The following ISOC1 variants were observed in gnomAD, a reference collection of about 807,000 sequenced individuals.
ISOC1 encodes the protein isochorismatase domain-containing protein 1.
ISOC1 carries 33 observed loss-of-function variants against 30.0 expected under a neutral mutation model. That is an observed-to-expected ratio of 1.10 (90% CI 0.83 to 1.47). The LOEUF (loss-of-function observed/expected upper bound fraction) is 1.47. Among genes scored for constraint, ISOC1 ranks in the 40% most tolerant of loss-of-function variants. The pLI is 0.00. For synonymous variants in ISOC1, 178 were observed against 159.8 expected, an observed-to-expected ratio of 1.11 and a Z score of -0.86; for missense variants, 372 against 388.0, an observed-to-expected ratio of 0.96 and a Z score of 0.35.
rs3734162 is a variant in ISOC1, at chr5:129,107,044, C to T, written c.732C>T (p.Asp244=). The change falls in exon 4 of 5, where the codon GAC becomes GAT. Residue 244 remains aspartate, a synonymous_variant. Coordinates refer to ENST00000173527, the MANE Select transcript of ISOC1 (RefSeq NM_016048.2). ...ADATSSRSMM[D]RMFALERLAR... ...CCACCTCATCAAGAAGCATGATGGA[C>T]AGGATGTTTGCCCTCGAGGTAATTG... 3,102 of 1,613,162 alleles carry T rather than the reference C, an allele frequency of 1.9e-3. 88 individuals are homozygous for T. In the East Asian group the frequency reaches 0.056, roughly 29 times the overall value.
At chr5:129,104,541 GTAC>G (rs1288755566) in intron 1 of ISOC1, among the ~76,000 whole-genome samples, 2 of 152,016 alleles carry the variant, frequency 1.3e-5, no homozygotes, top group African/African-American at 2.4e-5. Context: ...ATATTGTAAT[GTAC>G]TACTACTTTT....
At chr5:129,112,323 A>G (rs2059124) in intron 4 of ISOC1, among the ~76,000 whole-genome samples, 10,096 of 152,214 alleles carry the variant, frequency 0.066, 652 homozygotes, top group African/African-American at 0.17. Context: ...CAGTTAAACT[A>G]CAGAGGGGGA....
intron 1 of ISOC1, among the ~76,000 whole-genome samples, chr5:129,096,160 T>C (rs1008389877): frequency 6.6e-6 from 1 of 152,240 alleles, no homozygotes; most frequent in African/African-American, 2.4e-5. Flanking sequence ...ATCAGGGTAA[T>C]TGGAATATCC....
Position 129,094,837 on chromosome 5 carries a change from G to C in ISOC1, c.71G>C (p.Gly24Ala), listed in dbSNP as rs376439816. ...SGAGGAGAPS[G>A]TVPVLFCFSV... is the part of the protein sequence containing the mutation. ...GCCGGGGGCGCGGGGGCGCCGTCGG[G>C]CACAGTCCCGGTGCTCTTCTGTTTC... The change falls in exon 1 of 5, where the codon GGC becomes GCC. Residue 24 changes from glycine to alanine, a missense_variant. Gly to Ala is a moderately conservative substitution (Grantham distance 60, BLOSUM62 0). Coordinates refer to ENST00000173527, the MANE Select transcript of ISOC1 (RefSeq NM_016048.2). The C allele has an allele frequency of 4.1e-5, 64 of 1,556,934 alleles. No homozygotes were observed. In the African/African-American group the frequency reaches 7.1e-4, roughly 17 times the overall value.
chr5:129,106,005 A>G (rs1753632399), intron 3 of ISOC1, among the ~76,000 whole-genome samples: 1 of 152,224 alleles, frequency 6.6e-6, no homozygotes, highest in Non-Finnish European at 1.5e-5. Flanking sequence ...TTTGAAGGTA[A>G]CTTTTATAGT....
intron 1 of ISOC1, among the ~76,000 whole-genome samples, chr5:129,102,375 G>A (rs1227124650): frequency 6.6e-6 from 1 of 152,120 alleles, no homozygotes; most frequent in African/African-American, 2.4e-5. Flanking sequence ...CCAGGGCAGT[G>A]AGGATTTTAG....
intron 1 of ISOC1, among the ~76,000 whole-genome samples, chr5:129,102,656 T>G (rs2150170901): frequency 6.6e-6 from 1 of 152,388 alleles, no homozygotes; most frequent in East Asian, 1.9e-4. Flanking sequence ...GATGTTTTCC[T>G]AATTTATAAG....
At chr5:129,099,330 A>G (rs1753544681) in intron 1 of ISOC1, among the ~76,000 whole-genome samples, 1 of 152,168 alleles carries the variant, frequency 6.6e-6, no homozygotes, top group African/African-American at 2.4e-5. Context: ...GAAATCCTTC[A>G]GTCCTCACCC....
In ISOC1 at chr5:129,113,271, T is replaced by G; in HGVS notation, c.*270T>G. The G allele has an allele frequency of 3.3e-6, 1 of 306,402 alleles. No homozygotes were observed. The highest frequency in any genetic ancestry group is 6.1e-6 in the Non-Finnish European group (1 of 165,234). 19.0% of individuals were successfully genotyped at this position (306,402 alleles called of 1,614,324 possible). A position where few individuals can be genotyped will look rare whatever the true frequency, so the allele number is the denominator to read the frequency against. On this transcript the variant is annotated 3_prime_UTR_variant, in exon 5 of 5. Coordinates refer to ENST00000173527, the MANE Select transcript of ISOC1 (RefSeq NM_016048.2). Reference sequence around the variant, plus strand: ...AAAAAATTACAATGAAGATGCCTGTTTTGTCTCTACTGTGTACTCTGATCG... The same window carrying G: ...AAAAAATTACAATGAAGATGCCTGTGTTGTCTCTACTGTGTACTCTGATCG...
chr5:129,100,918 A>T (rs1017659862), intron 1 of ISOC1, among the ~76,000 whole-genome samples: 3 of 151,676 alleles, frequency 2.0e-5, no homozygotes, highest in Non-Finnish European at 4.4e-5. Flanking sequence ...CATTAAAAAA[A>T]AAAAACTAAC....
intron 1 of ISOC1, among the ~76,000 whole-genome samples, chr5:129,096,418 C>A (rs1753502094): frequency 6.6e-6 from 1 of 152,094 alleles, no homozygotes; most frequent in Non-Finnish European, 1.5e-5. Flanking sequence ...ACACCTGTGC[C>A]AGAAGTGTCC....
chr5:129,097,780 A>G (rs939659660), intron 1 of ISOC1: 1 of 153,088 alleles, frequency 6.5e-6, no homozygotes, highest in African/African-American at 2.4e-5. Context: ...ACAGCCGAAC[A>G]CAGCACTACT....
chr5:129,099,789 G>A (rs1753548463), intron 1 of ISOC1, among the ~76,000 whole-genome samples: 2 of 152,136 alleles, frequency 1.3e-5, no homozygotes, highest in African/African-American at 4.8e-5. Flanking sequence ...CATCAGAATA[G>A]CCTAATACAT....
Position 129,113,253 on chromosome 5 carries a change from T to TA in ISOC1, c.*253dup. On this transcript the variant is annotated 3_prime_UTR_variant, in exon 5 of 5. Coordinates refer to ENST00000173527, the MANE Select transcript of ISOC1 (RefSeq NM_016048.2). ...TGTGCTTTTATTTATTAAAAAAAAT[T>TA]ACAATGAAGATGCCTGTTTTGTCTC... 1 of 336,710 alleles carries TA rather than the reference T, an allele frequency of 3.0e-6. No homozygotes were observed. The highest frequency in any genetic ancestry group is 5.3e-5 in the East Asian group (1 of 19,006). 20.9% of individuals were successfully genotyped at this position (336,710 alleles called of 1,614,324 possible).
At chr5:129,100,734 A>C (rs1308276355) in intron 1 of ISOC1, among the ~76,000 whole-genome samples, 5 of 152,032 alleles carry the variant, frequency 3.3e-5, no homozygotes, top group African/African-American at 1.2e-4. Flanking sequence ...CGAAATTTAG[A>C]GAGTTGTATG....
chr5:129,107,134 A>G (rs1432561388), intron 4 of ISOC1, 72 bp downstream of exon 4: 13 of 1,225,512 alleles, frequency 1.1e-5, no homozygotes, highest in African/African-American at 1.5e-5. Context: ...TGGATATTTA[A>G]CAGTAATGAA....
intron 1 of ISOC1, 69 bp from the exon 2 acceptor site, chr5:129,104,887 T>C: frequency 6.6e-7 from 1 of 1,509,854 alleles, no homozygotes; most frequent in Non-Finnish European, 9.0e-7. Flanking sequence ...TCTTCCTTTA[T>C]TGACCTCCAC....
At chr5:129,095,360 C>T (rs150694002) in intron 1 of ISOC1, among the ~76,000 whole-genome samples, 1 of 152,336 alleles carries the variant, frequency 6.6e-6, no homozygotes, top group Non-Finnish European at 1.5e-5. Context: ...TCCTCGGTCG[C>T]CCGCATCCGC....
intron 4 of ISOC1, among the ~76,000 whole-genome samples, chr5:129,110,832 T>C (rs1207097447): frequency 1.3e-5 from 2 of 152,142 alleles, no homozygotes; most frequent in Non-Finnish European, 2.9e-5. Flanking sequence ...AACTAACCTT[T>C]ATTGGCACAT....
Sources: allele counts gnomAD v4.1 joint callset (sites outside exome capture counted in the v4.1 genomes callset), GRCh38; gene constraint gnomAD v4.1.1; transcripts MANE v1.5; gene names NCBI Gene and HGNC (gene_info 2026-07-23, HGNC 2026-07-21).